The following TLN2 variants were observed in gnomAD, a reference collection of about 807,000 sequenced individuals.
The protein encoded by TLN2 is talin-2.
In TLN2, 118 loss-of-function variants were observed where a neutral mutation model predicts 294.7. The observed-to-expected ratio is 0.40, with a 90% CI of 0.34 to 0.47. TLN2 has a LOEUF of 0.47. Among genes scored for constraint, TLN2 ranks in the 20% least tolerant of loss-of-function variants. The pLI is 0.84. For synonymous variants in TLN2, 1,431 were observed against 1,304.5 expected (o/e 1.10, Z -2.09); for missense variants, 3,083 against 3,282.2 (o/e 0.94, Z 1.48).
At chr15:62,435,575 CTT>C (rs2035245908) in intron 1 of TLN2, among the ~76,000 whole-genome samples, 1 of 151,942 alleles carries the variant, frequency 6.6e-6, no homozygotes, top group Non-Finnish European at 1.5e-5. Flanking sequence ...GAGTTTTGCT[CTT>C]GTCACCCAGG....
At chr15:62,503,586 CTCT>C (rs1303590037) in intron 1 of TLN2, among the ~76,000 whole-genome samples, 2 of 152,234 alleles carry the variant, frequency 1.3e-5, no homozygotes, top group African/African-American at 4.8e-5. Flanking sequence ...TTTAACCTGT[CTCT>C]TCTTGGAAAT....
chr15:62,464,334 A>G (rs1386664658), intron 1 of TLN2, among the ~76,000 whole-genome samples: 1 of 152,186 alleles, frequency 6.6e-6, no homozygotes, highest in Non-Finnish European at 1.5e-5. Context: ...CAGAAAACCA[A>G]ACACTACATG....
intron 12 of TLN2, among the ~76,000 whole-genome samples, chr15:62,691,973 C>T (rs1225925996): frequency 6.6e-6 from 1 of 152,200 alleles, no homozygotes; most frequent in Non-Finnish European, 1.5e-5. Context: ...GTGCCCAGCC[C>T]ATTGGGAGAC....
intron 39 of TLN2, 182 bp from the exon 40 acceptor site, chr15:62,763,381 A>G: frequency 1.7e-6 from 1 of 605,662 alleles, no homozygotes; most frequent in Non-Finnish European, 2.7e-6. Flanking sequence ...CTGAAGTGTT[A>G]AATTAAGGAA....
chr15:62,800,268 C>A, intron 48 of TLN2, 100 bp from the exon 49 acceptor site: 1 of 1,516,868 alleles, frequency 6.6e-7, no homozygotes, highest in Non-Finnish European at 8.8e-7. Flanking sequence ...GTCTTTCTCT[C>A]CTCCCCCGTG....
intron 1 of TLN2, among the ~76,000 whole-genome samples, chr15:62,481,798 C>CTTTTTTTTTTT (rs60002079): frequency 5.2e-5 from 6 of 115,728 alleles, no homozygotes; most frequent in Non-Finnish European, 7.0e-5. Context: ...TTCTTTCTTT[C>CTTTTTTTTTTT]TTTTTTTTTT....
At chr15:62,721,243 C>CATGTTCAA in intron 25 of TLN2, among the ~76,000 whole-genome samples, 1 of 152,262 alleles carries the variant, frequency 6.6e-6, no homozygotes, top group African/African-American at 2.4e-5. Context: ...CATTGCTCTT[C>CATGTTCAA]CAGGAGGTTG....
rs2066229498 is a variant in TLN2, at chr15:62,805,649, C to G, written c.6527C>G (p.Ser2176Cys). The G allele has an allele frequency of 6.2e-7, 1 of 1,613,984 alleles. No homozygotes were observed. Among genetic ancestry groups the G allele is most frequent in the Non-Finnish European group, 8.5e-7 (1 of 1,179,916 alleles). Residue 2176 changes from serine to cysteine, a missense_variant, in exon 51 of 59, where the codon TCC becomes TGC. Transcript: ENST00000636159. ...VPEKTSSPEE[S>C]IRMTKGITMA... ...GAAAAGACATCATCACCTGAAGAAT[C>G]CATAAGGATGACGAAAGGCATCACC...
intron 1 of TLN2, among the ~76,000 whole-genome samples, chr15:62,462,851 T>C (rs536838356): frequency 6.6e-6 from 1 of 152,294 alleles, no homozygotes; most frequent in South Asian, 2.1e-4. Context: ...TCATCTTTAA[T>C]GAAAATGCCC....
chr15:62,756,321 C>A (rs777479107), intron 37 of TLN2, among the ~76,000 whole-genome samples: 1 of 152,150 alleles, frequency 6.6e-6, no homozygotes, highest in Non-Finnish European at 1.5e-5. Flanking sequence ...GGTTCACTTG[C>A]AAGAAGCAAG....
At chr15:62,657,689 A>T (rs1476994851) in intron 8 of TLN2, 82 bp from the exon 9 acceptor site, 40 of 1,544,830 alleles carry the variant, frequency 2.6e-5, no homozygotes, top group Non-Finnish European at 3.2e-5. Context: ...CAGAGGGTGT[A>T]CTGGGCCATG....
In TLN2 at chr15:62,415,712, C is replaced by T. The variant is rs545184494; in HGVS notation, c.-238+25027C>T. Reference sequence around the variant, plus strand: ...GGAACAGTGTGTTCCAAGGGTTGGGCCAGTGGGCTCACGGTCGCTGGGTCT... The same window carrying T: ...GGAACAGTGTGTTCCAAGGGTTGGGTCAGTGGGCTCACGGTCGCTGGGTCT... On this transcript the variant is annotated intron_variant, in intron 1 of 58. Coordinates refer to ENST00000636159, the MANE Select transcript of TLN2 (RefSeq NM_015059.3). 2.6e-5 allele frequency among the ~76,000 whole-genome samples: 4 copies of T among 152,304 alleles called. No individual in the cohort carries two copies. The South Asian group carries it at 8.3e-4, about 32-fold the overall frequency.
chr15:62,635,533 G>T (rs566441132), intron 3 of TLN2, among the ~76,000 whole-genome samples: 24 of 152,162 alleles, frequency 1.6e-4, no homozygotes, highest in Non-Finnish European at 2.9e-4. Flanking sequence ...CATAAAATAT[G>T]CATACATATT....
At chr15:62,771,185 T>G (rs746545409) in intron 42 of TLN2, 51 bp downstream of exon 42, 2 of 1,523,878 alleles carry the variant, frequency 1.3e-6, no homozygotes, top group South Asian at 1.3e-5. Context: ...GAAGCCATCA[T>G]GCATTCCTGC....
chr15:62,727,297 C>A, intron 28 of TLN2, 108 bp downstream of exon 28: 1 of 954,782 alleles, frequency 1.0e-6, no homozygotes, highest in Admixed American at 2.9e-5. Flanking sequence ...ATTTTTCTCC[C>A]AGCAGTTCAC....
At chr15:62,649,218 T>C (rs2052297059) in intron 4 of TLN2, among the ~76,000 whole-genome samples, 1 of 152,286 alleles carries the variant, frequency 6.6e-6, no homozygotes, top group South Asian at 2.1e-4. Flanking sequence ...TCCCTAACTT[T>C]ACTATTTGGT....
chr15:62,593,277 GTC>G (rs2140746279), intron 2 of TLN2, among the ~76,000 whole-genome samples: 1 of 152,214 alleles, frequency 6.6e-6, no homozygotes, highest in East Asian at 1.9e-4. Flanking sequence ...GCATCATTTG[GTC>G]TCCCACCTGC....
chr15:62,570,117 C>T (rs550682253), intron 1 of TLN2, among the ~76,000 whole-genome samples: 1 of 152,166 alleles, frequency 6.6e-6, no homozygotes, highest in African/African-American at 2.4e-5. Flanking sequence ...AAAATACTAA[C>T]AAGATTGCCC....
In TLN2 at chr15:62,840,589, G is replaced by A. The variant is rs747143490; in HGVS notation, c.7608G>A (p.Glu2536=). 9.3e-6 allele frequency: 15 copies of A among 1,614,062 alleles called. No homozygotes were observed. Among genetic ancestry groups the A allele is most frequent in the Non-Finnish European group, 1.3e-5 (15 of 1,180,030 alleles). ...RQQQYKFLPT[E]LREDEG is the part of the protein sequence containing the mutation. ...AGCAGTATAAGTTTTTACCCACCGAGCTGAGGGAAGATGAGGGCTAAAGGT... is the reference window on the plus strand; with the variant it reads ...AGCAGTATAAGTTTTTACCCACCGAACTGAGGGAAGATGAGGGCTAAAGGT... The change falls in exon 59 of 59, where the codon GAG becomes GAA. Residue 2536 remains glutamate (E), a synonymous_variant. Coordinates refer to ENST00000636159, the MANE Select transcript of TLN2 (RefSeq NM_015059.3).
Sources: allele counts gnomAD v4.1 joint callset (sites outside exome capture counted in the v4.1 genomes callset), GRCh38; gene constraint gnomAD v4.1.1; transcripts MANE v1.5; gene names NCBI Gene and HGNC (gene_info 2026-07-23, HGNC 2026-07-21).